The following MTHFD2L variants were observed in gnomAD, a reference collection of about 807,000 sequenced individuals.
The protein encoded by MTHFD2L is methylenetetrahydrofolate dehydrogenase (NADP+ dependent) 2 like.
A neutral mutation model predicts 34.9 loss-of-function variants in MTHFD2L; 29 were observed. The ratio of observed to expected loss-of-function variants is 0.83; its 90% CI spans 0.62 to 1.13. The LOEUF is 1.13. MTHFD2L is among the 50% of genes most tolerant of loss of function. The pLI is 0.00. For synonymous variants in MTHFD2L, 167 were observed against 155.7 expected (o/e 1.07, Z -0.54); for missense variants, 481 against 446.5 (o/e 1.08, Z -0.70).
intron 7 of MTHFD2L, among the ~76,000 whole-genome samples, chr4:74,297,336 T>C (rs912376850): frequency 1.3e-5 from 2 of 152,104 alleles, no homozygotes; most frequent in Admixed American, 6.6e-5. Context: ...TCTAAAATCA[T>C]GTTGACTTTG....
intron 6 of MTHFD2L, among the ~76,000 whole-genome samples, chr4:74,250,167 T>C (rs1743099038): frequency 6.6e-6 from 1 of 152,192 alleles, no homozygotes; most frequent in South Asian, 2.1e-4. Flanking sequence ...TCTTGGAGGC[T>C]TTGTTCATTT....
intron 6 of MTHFD2L, among the ~76,000 whole-genome samples, chr4:74,276,352 G>C (rs1044162746): frequency 7.9e-5 from 12 of 152,038 alleles, no homozygotes; most frequent in African/African-American, 2.7e-4. Context: ...TAATATTACA[G>C]CTTTTAATAT....
rs149680508 is a variant in MTHFD2L, at chr4:74,193,776, T to G, written c.452-6018T>G. ...TTTTCTTATATTGACTTTGTAATCTTGCTTAATTCACTTTATTAGTTCTAT... is the reference window on the plus strand; with the variant it reads ...TTTTCTTATATTGACTTTGTAATCTGGCTTAATTCACTTTATTAGTTCTAT... On this transcript the variant is annotated intron_variant, in intron 3 of 7. Coordinates refer to ENST00000325278, the MANE Select transcript of MTHFD2L (RefSeq NM_001144978.3). 1.9e-3 allele frequency among the ~76,000 whole-genome samples: 286 copies of G among 152,320 alleles called. 1 individual carries two copies. Among genetic ancestry groups the G allele is most frequent in the African/African-American group, 6.8e-3 (282 of 41,586 alleles).
chr4:74,123,305 A>C (rs1354542240), upstream of MTHFD2L: 1 of 152,210 alleles, frequency 6.6e-6, no homozygotes, highest in African/African-American at 2.4e-5. Flanking sequence ...TAAGCACTCC[A>C]GTGTCTAGGG....
chr4:74,154,554 T>G (rs1417004263), upstream of MTHFD2L, among the ~76,000 whole-genome samples: 1 of 152,210 alleles, frequency 6.6e-6, no homozygotes, highest in Non-Finnish European at 1.5e-5. Flanking sequence ...TTTATTTTAC[T>G]ACTCAAATTG....
intron 5 of MTHFD2L, among the ~76,000 whole-genome samples, chr4:74,216,306 G>C (rs560923014): frequency 6.6e-6 from 1 of 151,716 alleles, no homozygotes; most frequent in East Asian, 1.9e-4. Context: ...AACTTTAGCT[G>C]CCCACTAGAA....
intron 1 of MTHFD2L, among the ~76,000 whole-genome samples, chr4:74,165,396 T>C (rs770576650): frequency 6.6e-6 from 1 of 152,188 alleles, no homozygotes; most frequent in Non-Finnish European, 1.5e-5. Context: ...TCTTTCTCTG[T>C]CACCCAGGCT....
intron 7 of MTHFD2L, among the ~76,000 whole-genome samples, chr4:74,289,655 T>C (rs1026688424): frequency 1.3e-5 from 2 of 152,162 alleles, no homozygotes; most frequent in Admixed American, 6.5e-5. Flanking sequence ...CTATTGTAAT[T>C]ATCCAAGTAA....
At chr4:74,297,809 C>T (rs138927164) in intron 7 of MTHFD2L, among the ~76,000 whole-genome samples, 187 of 152,136 alleles carry the variant, frequency 1.2e-3, no homozygotes, top group African/African-American at 4.3e-3. Context: ...AAGCCACCTG[C>T]AGTATTTCAT....
chr4:74,190,932 G>T (rs1015078001), intron 3 of MTHFD2L, among the ~76,000 whole-genome samples: 2 of 152,052 alleles, frequency 1.3e-5, no homozygotes, highest in Admixed American at 6.6e-5. Flanking sequence ...ACAGAGTCTC[G>T]CTGTATTGCC....
At position 74,140,552 on chromosome 4, in the gene MTHFD2L, A is replaced by G. The variant is rs1057499470; in HGVS notation, c.-297+15035A>G. ...ACCTTTTTCATGTTGTGCATTATTC[A>G]TTTAGGCTATACTACAAAAAAGGCA... On this transcript the variant is annotated intron_variant, in intron 1 of 7. Coordinates refer to the MTHFD2L transcript ENST00000433372. 60 of 979,686 alleles carry G rather than the reference A, an allele frequency of 6.1e-5. No individual in the cohort carries two copies. The African/African-American group carries it at 9.6e-4, about 16-fold the overall frequency. 60.7% of individuals were successfully genotyped at this position (979,686 alleles called of 1,614,324 possible). A position where few individuals can be genotyped will look rare whatever the true frequency, so the allele number is the denominator to read the frequency against.
chr4:74,143,356 T>C (rs1723394591), intron 1 of MTHFD2L: 2 of 957,390 alleles, frequency 2.1e-6, no homozygotes, highest in African/African-American at 1.8e-5. Flanking sequence ...ATATACTCTT[T>C]GAGAAAAATA....
At chr4:74,150,317 G>A (rs1238340643) in intron 1 of MTHFD2L, among the ~76,000 whole-genome samples, 5 of 152,280 alleles carry the variant, frequency 3.3e-5, no homozygotes, top group East Asian at 1.9e-4. Context: ...GCAATGGTGC[G>A]ATCTCAGCTC....
At chr4:74,133,299 G>T (rs1461029923) in intron 1 of MTHFD2L, among the ~76,000 whole-genome samples, 1 of 151,818 alleles carries the variant, frequency 6.6e-6, no homozygotes, top group Admixed American at 6.6e-5. Flanking sequence ...GTGTTACTTG[G>T]GTTGAATCTG....
chr4:74,220,986 A>G (rs1738075837), intron 5 of MTHFD2L, among the ~76,000 whole-genome samples: 1 of 151,196 alleles, frequency 6.6e-6, no homozygotes, highest in East Asian at 2.0e-4. Flanking sequence ...TTTATTTTAT[A>G]GGATCTAATA....
At chr4:74,194,348 G>T (rs534719995) in intron 3 of MTHFD2L, 1 of 152,182 alleles carries the variant, frequency 6.6e-6, no homozygotes, top group East Asian at 1.9e-4. Flanking sequence ...CTGTCCTGTG[G>T]CTAGAAAAGC....
At chr4:74,287,269 T>C (rs1748299524) in intron 7 of MTHFD2L, among the ~76,000 whole-genome samples, 1 of 152,196 alleles carries the variant, frequency 6.6e-6, no homozygotes, top group Non-Finnish European at 1.5e-5. Flanking sequence ...CACTTAAACT[T>C]GTTTTACTGA....
At chr4:74,264,408 A>C (rs1281543766) in intron 6 of MTHFD2L, among the ~76,000 whole-genome samples, 1 of 151,926 alleles carries the variant, frequency 6.6e-6, no homozygotes, top group Admixed American at 6.6e-5. Flanking sequence ...CAACCCCTCC[A>C]ACCCAAGAAC....
At chr4:74,180,537 T>C (rs959640737) in intron 3 of MTHFD2L, 1 of 165,962 alleles carries the variant, frequency 6.0e-6, no homozygotes, top group Non-Finnish European at 1.3e-5. Flanking sequence ...ATAATTCTAA[T>C]GTTTGAAGAC....
Sources: allele counts gnomAD v4.1 joint callset (sites outside exome capture counted in the v4.1 genomes callset), GRCh38; gene constraint gnomAD v4.1.1; transcripts MANE v1.5; gene names NCBI Gene and HGNC (gene_info 2026-07-23, HGNC 2026-07-21).